The following SLC6A15 variants were observed in gnomAD, a reference collection of about 807,000 sequenced individuals.
The protein encoded by SLC6A15 is solute carrier family 6 member 15.
SLC6A15 carries 33 observed loss-of-function variants against 68.5 expected under a neutral mutation model. The observed-to-expected ratio is 0.48, with a 90% CI of 0.37 to 0.64. The LOEUF is 0.64. SLC6A15 is among the 30% of genes least tolerant of loss of function. The pLI is 0.00. For synonymous variants in SLC6A15, 347 were observed against 301.0 expected (o/e 1.15, Z -1.58); for missense variants, 747 against 874.3 (o/e 0.85, Z 1.84).
intron 10 of SLC6A15, 51 bp downstream of exon 10, chr12:84,866,983 T>C (rs771874118): frequency 2.2e-6 from 3 of 1,337,680 alleles, no homozygotes; most frequent in African/African-American, 3.0e-5. Flanking sequence ...TGATAATTGA[T>C]GTTTTCAAAC....
Position 84,876,542 on chromosome 12 carries a change from A to G in SLC6A15, c.822T>C (p.Leu274=). 6.2e-7 allele frequency: 1 copy of G among 1,602,088 alleles called. No individual in the cohort carries two copies. The change falls in exon 6 of 12, where the codon CTT becomes CTC. Residue 274 remains leucine (L), a synonymous_variant. Transcript: ENST00000266682. ...VLICFLIRAF[L]LNGSIDGIRH... ...GAATGCCATCAATTGAACCATTTAA[A>G]AGGAATGCTCTGATGAGGAAGCAAA...
rs1463919030 is a variant in SLC6A15 at position 84,873,077 on chromosome 12, A to C, written c.1109+10T>G. ...TAAGAAAAAAGGCAAATGGAAATTA[A>C]TATTCATACTGTGTAATGCATTTCT... On this transcript the variant is annotated intron_variant, in intron 7 of 11. Coordinates refer to ENST00000266682, the MANE Select transcript of SLC6A15 (RefSeq NM_182767.6). 1 of 1,608,964 alleles carries C rather than the reference A, an allele frequency of 6.2e-7. No homozygotes were observed.
At chr12:84,903,498 G>A (rs771824050) in intron 1 of SLC6A15, among the ~76,000 whole-genome samples, 5 of 151,768 alleles carry the variant, frequency 3.3e-5, no homozygotes, top group East Asian at 3.9e-4. Context: ...TCATACTTCC[G>A]GAGACCAAAG....
At chr12:84,862,091 G>T in intron 11 of SLC6A15, 85 bp from the exon 12 acceptor site, 3 of 1,368,292 alleles carry the variant, frequency 2.2e-6, no homozygotes, top group Non-Finnish European at 3.0e-6. Context: ...AAGTTTGTAA[G>T]CAAAGAATCT....
chr12:84,869,732 A>C (rs1344149976), intron 9 of SLC6A15, among the ~76,000 whole-genome samples: 1 of 152,130 alleles, frequency 6.6e-6, no homozygotes, highest in Admixed American at 6.5e-5. Context: ...TATTTAGATG[A>C]CCTAGACTCT....
At chr12:84,884,242 C>T (rs1267653958) in intron 4 of SLC6A15, among the ~76,000 whole-genome samples, 6 of 152,144 alleles carry the variant, frequency 3.9e-5, no homozygotes, top group Non-Finnish European at 7.4e-5. Context: ...ATTTCTTATG[C>T]AGTCCTGCAG....
At chr12:84,882,465 G>A (rs1010627392) in intron 5 of SLC6A15, 21 of 947,820 alleles carry the variant, frequency 2.2e-5, no homozygotes, top group Non-Finnish European at 2.4e-5. Flanking sequence ...GAAGATAAAT[G>A]TAAAATCAGC....
At chr12:84,905,206 A>G (rs1190165238) in intron 1 of SLC6A15, among the ~76,000 whole-genome samples, 2 of 152,184 alleles carry the variant, frequency 1.3e-5, no homozygotes, top group African/African-American at 2.4e-5. Flanking sequence ...GTATAAAAAG[A>G]ATTATATTCC....
rs143284316 is a variant in SLC6A15, at chr12:84,877,971, A to T, written c.757-1364T>A. On this transcript the variant is annotated intron_variant, in intron 5 of 11. Coordinates refer to ENST00000266682, the MANE Select transcript of SLC6A15 (RefSeq NM_182767.6). ...TCATATGTATCTGTGGAAGGAAGGA[A>T]TGGAAGGAGAATTGGAACAATGGAG... Among the ~76,000 whole-genome samples, 115 of 152,294 alleles carry T rather than the reference A, an allele frequency of 7.6e-4. 1 individual carries two copies. The Middle Eastern group carries it at 0.024, about 32-fold the overall frequency.
chr12:84,861,504 G>A lies in SLC6A15; in HGVS notation c.*128C>T, dbSNP rs1870846141. 2 of 1,043,310 alleles carry A rather than the reference G, an allele frequency of 1.9e-6. No homozygotes were observed. Among genetic ancestry groups the A allele is most frequent in the Admixed American group, 2.3e-5 (1 of 43,294 alleles). 64.6% of individuals were successfully genotyped at this position (1,043,310 alleles called of 1,614,324 possible). A position where few individuals can be genotyped will look rare whatever the true frequency, so the allele number is the denominator to read the frequency against. On this transcript the variant is annotated 3_prime_UTR_variant, in exon 12 of 12. Coordinates refer to ENST00000266682, the MANE Select transcript of SLC6A15 (RefSeq NM_182767.6). ...AAGTTGAACTGACATATACTGTTAG[G>A]ATTAAAGATCACAGCCACGGAACAC...
At chr12:84,876,938 T>C (rs1471669192) in intron 5 of SLC6A15, among the ~76,000 whole-genome samples, 1 of 152,212 alleles carries the variant, frequency 6.6e-6, no homozygotes, top group Non-Finnish European at 1.5e-5. Flanking sequence ...AACTACCTAA[T>C]GAATTCCTAC....
Position 84,897,403 on chromosome 12 carries a change from T to A in SLC6A15, c.-188-5095A>T, listed in dbSNP as rs186670716. ...AGCTAAAGGTAATCCAACAAACTTC[T>A]AATTGGTATAGCCAAACACAATAAT... On this transcript the variant is annotated intron_variant, in intron 1 of 11. Coordinates refer to ENST00000266682, the MANE Select transcript of SLC6A15 (RefSeq NM_182767.6). Among the ~76,000 whole-genome samples, 523 of 152,208 alleles carry A rather than the reference T, an allele frequency of 3.4e-3. 3 individuals carry two copies. The highest frequency in any genetic ancestry group is 6.8e-3 in the Middle Eastern group (2 of 294).
chr12:84,902,822 T>C (rs1872947125), intron 1 of SLC6A15, among the ~76,000 whole-genome samples: 1 of 152,108 alleles, frequency 6.6e-6, no homozygotes, highest in Non-Finnish European at 1.5e-5. Context: ...AAACAACATA[T>C]TCATGGTTTG....
At chr12:84,906,276 T>C (rs1031985945) in intron 1 of SLC6A15, among the ~76,000 whole-genome samples, 1 of 152,048 alleles carries the variant, frequency 6.6e-6, no homozygotes, top group Non-Finnish European at 1.5e-5. Flanking sequence ...AAAGTGCTGA[T>C]AAAGTAAATG....
At chr12:84,903,239 CA>C (rs1872969861) in intron 1 of SLC6A15, among the ~76,000 whole-genome samples, 1 of 151,962 alleles carries the variant, frequency 6.6e-6, no homozygotes, top group South Asian at 2.1e-4. Context: ...CTGAAGTAGA[CA>C]AAAAGTTTTT....
intron 9 of SLC6A15, 45 bp downstream of exon 9, chr12:84,870,433 A>G: frequency 1.5e-6 from 2 of 1,350,054 alleles, no homozygotes; most frequent in South Asian, 1.9e-5. Flanking sequence ...CAAGAATAAA[A>G]TGGCCTGGAT....
At chr12:84,893,769 A>G (rs1406816801) in intron 1 of SLC6A15, among the ~76,000 whole-genome samples, 7 of 152,188 alleles carry the variant, frequency 4.6e-5, no homozygotes, top group Non-Finnish European at 1.0e-4. Context: ...TATGTAACTA[A>G]TTTGTTGCCT....
rs1488131947 is a variant in SLC6A15 at position 84,870,729 on chromosome 12, T to A, written c.1303-59A>T. The stretch of plus-strand genomic sequence containing the variant: ...GAGTAATTATTAAACAATGGCTCTA[T>A]ATGTCAGTTACAATGAGGAGGAAAG... On this transcript the variant is annotated intron_variant, in intron 8 of 11. Transcript: ENST00000266682. The A allele has an allele frequency of 1.0e-5, 11 of 1,052,142 alleles. No homozygotes were observed. The Middle Eastern group carries it at 1.5e-3, about 146-fold the overall frequency. The allele number at this position is 1,052,142 out of a possible 1,614,324, so 65.2% of individuals were successfully genotyped here. A position where few individuals can be genotyped will look rare whatever the true frequency, so the allele number is the denominator to read the frequency against.
chr12:84,886,590 G>GA (rs1249613761), intron 2 of SLC6A15, among the ~76,000 whole-genome samples: 2,008 of 126,188 alleles, frequency 0.016, 17 homozygotes, highest in Non-Finnish European at 0.019. Flanking sequence ...GACTGAAAAA[G>GA]AAAAAAAAAA....
Sources: gnomAD v4.1 joint callset for allele counts (sites outside exome capture counted in the v4.1 genomes callset) on GRCh38, gnomAD v4.1.1 for gene constraint, MANE v1.5 for transcripts, NCBI Gene and HGNC (gene_info 2026-07-23, HGNC 2026-07-21) for gene names.